Variants in GPR141 observed in about 807,000 individuals in gnomAD.
GPR141 encodes probable G protein-coupled receptor 141.
A neutral mutation model predicts 6.8 loss-of-function variants in GPR141; 6 were observed. The observed-to-expected ratio is 0.88, with a 90% CI of 0.48 to 1.74. The LOEUF is 1.74. Among genes scored for constraint, GPR141 ranks in the 40% most tolerant of loss-of-function variants. GPR141 has a pLI of 0.01. For synonymous variants in GPR141, 140 were observed against 142.3 expected, an observed-to-expected ratio of 0.98 and a Z score of 0.11; for missense variants, 372 against 372.9, an observed-to-expected ratio of 1.00 and a Z score of 0.02.
At chr7:37,700,446 A>G (rs1810229914) in intron 2 of GPR141, among the ~76,000 whole-genome samples, 1 of 152,170 alleles carries the variant, frequency 6.6e-6, no homozygotes, top group African/African-American at 2.4e-5. Flanking sequence ...ACCATGTCAG[A>G]TTGTCTCCAC....
chr7:37,738,474 GA>G (rs1812362985), intron 2 of GPR141, among the ~76,000 whole-genome samples: 1 of 151,946 alleles, frequency 6.6e-6, no homozygotes, highest in Non-Finnish European at 1.5e-5. Context: ...TTTCTACAAG[GA>G]AAAATAAAAG....
At chr7:37,693,822 G>A (rs1048112275) in intron 2 of GPR141, among the ~76,000 whole-genome samples, 3 of 152,188 alleles carry the variant, frequency 2.0e-5, no homozygotes, top group East Asian at 3.8e-4. Flanking sequence ...AATGTGGGGT[G>A]TCTCAGCTCA....
Position 37,741,302 on chromosome 7 carries a change from G to T in GPR141, c.909G>T (p.Leu303Phe). 6.3e-7 allele frequency: 1 copy of T among 1,583,096 alleles called. No homozygotes were observed. The highest frequency in any genetic ancestry group is 8.6e-7 in the Non-Finnish European group (1 of 1,163,044). Residue 303 changes from leucine to phenylalanine, a missense_variant, in exon 3 of 3, where the codon TTG becomes TTT. Physicochemically the swap from Leu to Phe is conservative, Grantham distance 22. Coordinates refer to ENST00000334425, the MANE Select transcript of GPR141 (RefSeq NM_001381946.1). ...QKIIGLWNCV[L>F]CR ...TAATTGGCTTATGGAATTGTGTTTTGTGCCGTTAGCCACAAACTACAGTAT... is the reference window on the plus strand; with the variant it reads ...TAATTGGCTTATGGAATTGTGTTTTTTGCCGTTAGCCACAAACTACAGTAT...
intron 2 of GPR141, among the ~76,000 whole-genome samples, chr7:37,723,096 G>A (rs1811431497): frequency 6.6e-6 from 1 of 151,410 alleles, no homozygotes; most frequent in Non-Finnish European, 1.5e-5. Context: ...GGGTTCAAGT[G>A]ATTCTCTTGC....
intron 2 of GPR141, among the ~76,000 whole-genome samples, chr7:37,712,278 T>G (rs1282069769): frequency 6.6e-6 from 1 of 152,148 alleles, no homozygotes; most frequent in Non-Finnish European, 1.5e-5. Context: ...ATCCCCTTGA[T>G]AACAGTGACT....
intron 2 of GPR141, among the ~76,000 whole-genome samples, chr7:37,722,720 C>CAAAA (rs146286812): frequency 8.2e-6 from 1 of 121,222 alleles, no homozygotes; most frequent in African/African-American, 3.1e-5. Context: ...GACTCCATCT[C>CAAAA]AAAAAAAAAA....
chr7:37,698,566 G>C (rs1190024556), intron 2 of GPR141, among the ~76,000 whole-genome samples: 5 of 152,178 alleles, frequency 3.3e-5, no homozygotes, highest in African/African-American at 1.2e-4. Flanking sequence ...CTGGGGATTT[G>C]CTATGTATTG....
At chr7:37,732,467 G>T (rs751512690) in intron 2 of GPR141, among the ~76,000 whole-genome samples, 11 of 152,066 alleles carry the variant, frequency 7.2e-5, no homozygotes, top group Non-Finnish European at 1.2e-4. Context: ...GTTGCAATTT[G>T]ATGCAGATCA....
chr7:37,726,806 A>G (rs937211637), intron 2 of GPR141, among the ~76,000 whole-genome samples: 1 of 152,222 alleles, frequency 6.6e-6, no homozygotes, highest in Admixed American at 6.5e-5. Context: ...CTGTGTTAAT[A>G]TTTGGCCAAT....
intron 2 of GPR141, among the ~76,000 whole-genome samples, chr7:37,720,073 G>C (rs1445393760): frequency 6.6e-6 from 1 of 152,190 alleles, no homozygotes; most frequent in East Asian, 1.9e-4. Context: ...ACTACTGCCA[G>C]GGCAACGACA....
At chr7:37,693,508 G>A (rs1809878287) in intron 2 of GPR141, among the ~76,000 whole-genome samples, 1 of 152,096 alleles carries the variant, frequency 6.6e-6, no homozygotes, top group African/African-American at 2.4e-5. Flanking sequence ...ACATACGGCT[G>A]TGTTTCTGTA....
intron 1 of GPR141, chr7:37,685,165 A>C (rs1809441081): frequency 6.6e-6 from 1 of 152,194 alleles, no homozygotes; most frequent in Non-Finnish European, 1.5e-5. Context: ...ACAATTTTCC[A>C]ACTATTCTTC....
chr7:37,722,155 A>G (rs1236420390), intron 2 of GPR141, among the ~76,000 whole-genome samples: 1 of 152,232 alleles, frequency 6.6e-6, no homozygotes, highest in Non-Finnish European at 1.5e-5. Flanking sequence ...AAAAATCTAA[A>G]ATATGTAAAA....
chr7:37,709,140 T>C (rs1264799420), intron 2 of GPR141, among the ~76,000 whole-genome samples: 1 of 152,184 alleles, frequency 6.6e-6, no homozygotes, highest in Non-Finnish European at 1.5e-5. Flanking sequence ...AATAGTCTTA[T>C]TATTATTGCA....
chr7:37,697,815 G>A (rs973348277), intron 2 of GPR141, among the ~76,000 whole-genome samples: 1 of 152,210 alleles, frequency 6.6e-6, no homozygotes. Flanking sequence ...GGGCACGAGG[G>A]ATTTGATTAA....
chr7:37,693,840 C>T (rs1809894701), intron 2 of GPR141, among the ~76,000 whole-genome samples: 1 of 152,146 alleles, frequency 6.6e-6, no homozygotes, highest in African/African-American at 2.4e-5. Flanking sequence ...TCAGCCACTG[C>T]TGTTTCCCTT....
intron 2 of GPR141, among the ~76,000 whole-genome samples, chr7:37,687,774 G>A (rs1257926829): frequency 2.0e-5 from 3 of 152,060 alleles, no homozygotes; most frequent in African/African-American, 4.8e-5. Context: ...TTCGACTGCT[G>A]TCCCAAGCTC....
At chr7:37,703,665 C>CCCTCAGTTCTAAAATGG (rs1169523309) in intron 2 of GPR141, among the ~76,000 whole-genome samples, 9 of 152,146 alleles carry the variant, frequency 5.9e-5, no homozygotes, top group Non-Finnish European at 8.8e-5. Context: ...TGCCTCAGTT[C>CCCTCAGTTCTAAAATGG]CCTCAGTTCT....
chr7:37,725,189 G>A (rs1811566817), intron 2 of GPR141, among the ~76,000 whole-genome samples: 1 of 152,148 alleles, frequency 6.6e-6, no homozygotes. Context: ...GGTGAATATA[G>A]AGAATGACAA....
Sources: allele counts gnomAD v4.1 joint callset (sites outside exome capture counted in the v4.1 genomes callset), GRCh38; gene constraint gnomAD v4.1.1; transcripts MANE v1.5; gene names NCBI Gene and HGNC (gene_info 2026-07-23, HGNC 2026-07-21).